The following SLC9C1 variants were observed in gnomAD, a reference collection of about 807,000 sequenced individuals.
The protein encoded by SLC9C1 is sodium/hydrogen exchanger 10.
In SLC9C1, 97 loss-of-function variants were observed where a neutral mutation model predicts 140.9. The observed-to-expected ratio is 0.69, with a 90% CI of 0.58 to 0.82. The LOEUF (loss-of-function observed/expected upper bound fraction) is 0.82. SLC9C1 is among the 40% of genes least tolerant of loss of function. The pLI is 0.00. For missense variants in SLC9C1, 1,340 were observed against 1,389.3 expected (o/e 0.96, Z 0.56); for synonymous variants, 440 against 442.6 (o/e 0.99, Z 0.07).
chr3:112,200,821 T>C, intron 18 of SLC9C1, 59 bp from the exon 19 acceptor site: 1 of 1,438,498 alleles, frequency 7.0e-7, no homozygotes, highest in Non-Finnish European at 9.6e-7. Flanking sequence ...AAAATGTCCT[T>C]ACATTTGCAA....
At position 112,208,350 on chromosome 3, in the gene SLC9C1, T is replaced by C. The variant is rs750037086; in HGVS notation, c.1814A>G (p.His605Arg). 1.3e-6 allele frequency: 2 copies of C among 1,562,914 alleles called. No individual in the cohort carries two copies. Among genetic ancestry groups the C allele is most frequent in the Non-Finnish European group, 1.7e-6 (2 of 1,156,556 alleles). Residue 605 changes from histidine to arginine, a missense_variant, in exon 16 of 29, where the codon CAT becomes CGT. By Grantham distance (29) the His-to-Arg change is conservative. Coordinates refer to ENST00000305815, the MANE Select transcript of SLC9C1 (RefSeq NM_183061.3). ...PSKYFFFRIC[H>R]TIVFTEEFEH... ...AAATTCCTCAGTAAATACTATTGTATGGCATATACGAAAAAAGAAGTATCT... is the reference window on the plus strand; with the variant it reads ...AAATTCCTCAGTAAATACTATTGTACGGCATATACGAAAAAAGAAGTATCT...
intron 1 of SLC9C1, among the ~76,000 whole-genome samples, chr3:112,291,889 T>G (rs1200438186): frequency 6.6e-6 from 1 of 152,202 alleles, no homozygotes; most frequent in Non-Finnish European, 1.5e-5. Context: ...AATGGTAGAC[T>G]AGATAAACTA....
At chr3:112,254,926 TAAAC>T (rs979965990) in intron 10 of SLC9C1, among the ~76,000 whole-genome samples, 6 of 151,740 alleles carry the variant, frequency 4.0e-5, no homozygotes, top group Non-Finnish European at 7.4e-5. Flanking sequence ...AAGCAGGAGT[TAAAC>T]AATCCTATTT....
chr3:112,253,702 A>G (rs1408761674), intron 10 of SLC9C1, among the ~76,000 whole-genome samples: 4 of 152,298 alleles, frequency 2.6e-5, no homozygotes, highest in Middle Eastern at 6.8e-3. Context: ...AACTCTGTCA[A>G]CTCAAATGGC....
At chr3:112,241,022 C>A (rs540937279) in intron 11 of SLC9C1, among the ~76,000 whole-genome samples, 1 of 151,762 alleles carries the variant, frequency 6.6e-6, no homozygotes, top group Admixed American at 6.6e-5. Context: ...TTAACAGGCA[C>A]AAAAATATAG....
chr3:112,170,341 T>G (rs992100413), intron 23 of SLC9C1, among the ~76,000 whole-genome samples: 3 of 152,252 alleles, frequency 2.0e-5, no homozygotes, highest in Non-Finnish European at 4.4e-5. Context: ...AGGTGGTATC[T>G]CATTGTAGTT....
chr3:112,253,693 AC>A (rs1220324923), intron 10 of SLC9C1, among the ~76,000 whole-genome samples: 3 of 152,148 alleles, frequency 2.0e-5, no homozygotes, highest in Non-Finnish European at 2.9e-5. Flanking sequence ...CAATGCAAGA[AC>A]TCTGTCAACT....
At chr3:112,225,406 C>T (rs2078655503) in intron 13 of SLC9C1, among the ~76,000 whole-genome samples, 1 of 151,956 alleles carries the variant, frequency 6.6e-6, no homozygotes, top group African/African-American at 2.4e-5. Flanking sequence ...AGGACAATAA[C>T]TAAGATTGTA....
At chr3:112,239,813 G>A (rs1344870895) in intron 12 of SLC9C1, 27 bp downstream of exon 12, 1 of 1,574,114 alleles carries the variant, frequency 6.4e-7, no homozygotes, top group East Asian at 2.3e-5. Context: ...CTGCATTAAA[G>A]CAATAAAAAA....
chr3:112,277,820 A>T lies in SLC9C1; in HGVS notation c.359T>A (p.Ile120Asn), dbSNP rs1473824335. 1 of 1,605,984 alleles carries T rather than the reference A, an allele frequency of 6.2e-7. No homozygotes were observed. The highest frequency in any genetic ancestry group is 1.3e-5 in the African/African-American group (1 of 74,386). Residue 120 changes from isoleucine to asparagine, a missense_variant, in exon 5 of 29, where the codon ATC becomes AAC. Ile to Asn is a moderately radical substitution (Grantham distance 149). Coordinates refer to ENST00000305815, the MANE Select transcript of SLC9C1 (RefSeq NM_183061.3). ...AGATGCCAGATGCCAAAGAACTAAG[A>T]TATAATTAACCAAAAAGCCGGGAAT... Reference protein sequence around the residue: ...ISIPGFLVNYILVLWHLASVN... With the variant: ...ISIPGFLVNYNLVLWHLASVN...
At chr3:112,293,311 T>C (rs140167269) in intron 1 of SLC9C1, among the ~76,000 whole-genome samples, 1 of 151,974 alleles carries the variant, frequency 6.6e-6, no homozygotes, top group East Asian at 1.9e-4. Context: ...TCATGTTAGC[T>C]AATATCTCAA....
Position 112,286,787 on chromosome 3 carries a change from G to C in SLC9C1, c.5C>G (p.Ala2Gly), listed in dbSNP as rs765105823. The part of the protein sequence containing the change: M[A>G]GIFKEFFFST... ...GAAAAAAAACTCCTTAAATATTCCA[G>C]CCATGTTTCAGAAAAATTTTTATGC... Residue 2 changes from alanine (A) to glycine (G), a missense_variant, in exon 2 of 29, where the codon GCT becomes GGT. Physicochemically the swap from Ala to Gly is moderately conservative, Grantham distance 60. Transcript: ENST00000305815. The C allele has an allele frequency of 6.2e-7, 1 of 1,609,788 alleles. No individual in the cohort carries two copies. The highest frequency in any genetic ancestry group is 1.1e-5 in the South Asian group (1 of 89,940).
chr3:112,213,221 A>G (rs912113462), intron 15 of SLC9C1, among the ~76,000 whole-genome samples: 1 of 152,246 alleles, frequency 6.6e-6, no homozygotes, highest in Non-Finnish European at 1.5e-5. Flanking sequence ...AAACATGGAA[A>G]GGAACAACTG....
At chr3:112,247,603 C>G (rs1479206851) in intron 10 of SLC9C1, among the ~76,000 whole-genome samples, 3 of 152,054 alleles carry the variant, frequency 2.0e-5, no homozygotes, top group African/African-American at 4.8e-5. Flanking sequence ...AAAGTGGCGT[C>G]CATCCACCTA....
At chr3:112,265,521 T>C (rs1176184683) in intron 8 of SLC9C1, among the ~76,000 whole-genome samples, 1 of 152,110 alleles carries the variant, frequency 6.6e-6, no homozygotes, top group Non-Finnish European at 1.5e-5. Context: ...TATAACGTTG[T>C]CCCAAAACTC....
intron 1 of SLC9C1, among the ~76,000 whole-genome samples, chr3:112,293,422 C>G (rs59753552): frequency 0.011 from 1,667 of 152,214 alleles, 33 homozygotes; most frequent in African/African-American, 0.038. Context: ...TCTCATGAAC[C>G]GTAAGTCACA....
chr3:112,248,283 A>G (rs772854883), intron 10 of SLC9C1, among the ~76,000 whole-genome samples: 63 of 105,720 alleles, frequency 6.0e-4, no homozygotes, highest in Non-Finnish European at 1.1e-3. Context: ...TGATGGCTGC[A>G]CTCCCAATTT....
intron 10 of SLC9C1, among the ~76,000 whole-genome samples, chr3:112,256,757 G>T (rs2079617827): frequency 6.6e-6 from 1 of 152,020 alleles, no homozygotes; most frequent in Non-Finnish European, 1.5e-5. Flanking sequence ...CATCCAAATA[G>T]GAAAAGAAGT....
intron 26 of SLC9C1, among the ~76,000 whole-genome samples, chr3:112,157,721 T>C (rs2075167612): frequency 6.6e-6 from 1 of 151,796 alleles, no homozygotes; most frequent in Admixed American, 6.6e-5. Flanking sequence ...TAGTTTTTCT[T>C]GTAGAGATCT....
Sources: allele counts gnomAD v4.1 joint callset (sites outside exome capture counted in the v4.1 genomes callset), GRCh38; gene constraint gnomAD v4.1.1; transcripts MANE v1.5; gene names NCBI Gene and HGNC (gene_info 2026-07-23, HGNC 2026-07-21).